PTPRD: variants seen among roughly 807,000 people sequenced by gnomAD.
PTPRD encodes receptor-type tyrosine-protein phosphatase delta.
A neutral mutation model predicts 214.5 loss-of-function variants in PTPRD; 34 were observed. The observed-to-expected ratio is 0.16, with a 90% confidence interval of 0.12 to 0.21. The LOEUF (loss-of-function observed/expected upper bound fraction) is 0.21. Ranked by LOEUF, PTPRD falls within the 10% of genes least tolerant of loss-of-function variation. The pLI is 1.00. For synonymous variants in PTPRD, 1,128 were observed against 845.7 expected (o/e 1.33, Z -5.79); for missense variants, 2,545 against 2,398.7 (o/e 1.06, Z -1.27).
At chr9:9,164,819 C>G (rs2099898604) in intron 10 of PTPRD, among the ~76,000 whole-genome samples, 1 of 151,622 alleles carries the variant, frequency 6.6e-6, no homozygotes. Context: ...TCGTGACCAG[C>G]CTGGCCAACA....
chr9:8,630,217 G>A (rs188675722), intron 14 of PTPRD, among the ~76,000 whole-genome samples: 3 of 151,854 alleles, frequency 2.0e-5, no homozygotes, highest in African/African-American at 4.8e-5. Context: ...GCCACTGGAC[G>A]AAAAGTGTAA....
At chr9:10,395,996 CGAGAGACAGAAG>C (rs1330138656) in intron 2 of PTPRD, among the ~76,000 whole-genome samples, 1 of 143,554 alleles carries the variant, frequency 7.0e-6, no homozygotes, top group Non-Finnish European at 1.5e-5. Context: ...AGAGACACAG[CGAGAGACAGAAG>C]GAGAAAGGGA....
intron 2 of PTPRD, among the ~76,000 whole-genome samples, chr9:10,421,593 T>C (rs10809091): frequency 0.21 from 31,463 of 151,756 alleles, 4,872 homozygotes; most frequent in East Asian, 0.66. Flanking sequence ...TGGTCCAGTT[T>C]AGGTTTTATA....
intron 9 of PTPRD, among the ~76,000 whole-genome samples, chr9:9,280,224 G>T (rs1947182557): frequency 6.6e-6 from 1 of 151,188 alleles, no homozygotes; most frequent in Non-Finnish European, 1.5e-5. Flanking sequence ...TCCATATTGT[G>T]AAGGCATGTA....
intron 9 of PTPRD, among the ~76,000 whole-genome samples, chr9:9,255,766 A>C (rs1169667919): frequency 6.6e-6 from 1 of 152,074 alleles, no homozygotes; most frequent in South Asian, 2.1e-4. Context: ...CACTATTGGC[A>C]TAAATAATTC....
intron 3 of PTPRD, among the ~76,000 whole-genome samples, chr9:10,293,328 GT>G (rs1165473815): frequency 6.6e-6 from 1 of 151,814 alleles, no homozygotes; most frequent in Non-Finnish European, 1.5e-5. Flanking sequence ...CTAATATGCA[GT>G]TTTTTCTCTG....
intron 2 of PTPRD, among the ~76,000 whole-genome samples, chr9:10,361,953 G>C (rs917890821): frequency 2.0e-5 from 3 of 152,122 alleles, no homozygotes; most frequent in African/African-American, 7.2e-5. Context: ...AGTTATCTCT[G>C]ATTATGCAAA....
chr9:9,456,540 T>G (rs576819269), intron 8 of PTPRD, among the ~76,000 whole-genome samples: 2 of 151,902 alleles, frequency 1.3e-5, no homozygotes, highest in South Asian at 4.1e-4. Flanking sequence ...AGAAAGAATA[T>G]AGAGTTAAAA....
chr9:9,001,256 G>A (rs2099417102), intron 11 of PTPRD, among the ~76,000 whole-genome samples: 1 of 152,032 alleles, frequency 6.6e-6, no homozygotes, highest in South Asian at 2.1e-4. Flanking sequence ...TTACACTTAA[G>A]ATCCCCTTGG....
intron 2 of PTPRD, among the ~76,000 whole-genome samples, chr9:10,356,502 A>G (rs1438593118): frequency 6.6e-6 from 1 of 152,164 alleles, no homozygotes; most frequent in Non-Finnish European, 1.5e-5. Context: ...TTGTTAAATA[A>G]AACTATATAG....
chr9:9,836,786 G>T (rs1455721026), intron 5 of PTPRD, among the ~76,000 whole-genome samples: 1 of 152,180 alleles, frequency 6.6e-6, no homozygotes, highest in Non-Finnish European at 1.5e-5. Flanking sequence ...TCTCAGGGTT[G>T]TTAAATGACT....
At chr9:10,043,014 T>G (rs291272) in intron 3 of PTPRD, among the ~76,000 whole-genome samples, 14,057 of 151,922 alleles carry the variant, frequency 0.093, 1,310 homozygotes, top group African/African-American at 0.23. Context: ...TAATCTGAGT[T>G]CTAACACAAA....
intron 8 of PTPRD, among the ~76,000 whole-genome samples, chr9:9,445,448 T>G (rs1402798998): frequency 2.0e-5 from 3 of 152,198 alleles, no homozygotes; most frequent in Non-Finnish European, 4.4e-5. Context: ...ATTCTCATGC[T>G]GCTATAAAGA....
chr9:9,376,511 A>C (rs1330983995), intron 9 of PTPRD, among the ~76,000 whole-genome samples: 1 of 152,162 alleles, frequency 6.6e-6, no homozygotes, highest in Non-Finnish European at 1.5e-5. Context: ...GCCCAAGCCC[A>C]TTAACTTCAC....
chr9:9,392,676 T>C (rs1030122707), intron 9 of PTPRD, among the ~76,000 whole-genome samples: 1 of 152,162 alleles, frequency 6.6e-6, no homozygotes, highest in Non-Finnish European at 1.5e-5. Context: ...TGAACCTTGC[T>C]TTTACGTAAC....
intron 7 of PTPRD, among the ~76,000 whole-genome samples, chr9:9,638,683 G>C (rs985790703): frequency 1.3e-5 from 2 of 152,082 alleles, no homozygotes; most frequent in Non-Finnish European, 2.9e-5. Flanking sequence ...ATATATTTAG[G>C]TATTTGTTAA....
At chr9:9,693,577 G>C (rs774525438) in intron 7 of PTPRD, among the ~76,000 whole-genome samples, 2 of 152,074 alleles carry the variant, frequency 1.3e-5, no homozygotes, top group Admixed American at 6.6e-5. Context: ...GTCTTATTTA[G>C]GTTAAGTATG....
At position 8,691,578 on chromosome 9, in the gene PTPRD, G is replaced by A. The variant is rs146309604; in HGVS notation, c.64+42202C>T. Among the ~76,000 whole-genome samples, 20 of 152,192 alleles carry A rather than the reference G, an allele frequency of 1.3e-4. No homozygotes were observed. In the South Asian group the frequency reaches 3.5e-3, roughly 27 times the overall value. On this transcript the variant is annotated intron_variant, in intron 12 of 45. Coordinates refer to ENST00000381196, the MANE Select transcript of PTPRD (RefSeq NM_002839.4). Reference sequence around the variant, plus strand: ...GTCTTTTGAAACCTTCATTACATAAGAATTCTATTGGATTTGAAGGTGATT... The same window carrying A: ...GTCTTTTGAAACCTTCATTACATAAAAATTCTATTGGATTTGAAGGTGATT...
chr9:8,912,025 G>T (rs748690388), intron 11 of PTPRD, among the ~76,000 whole-genome samples: 1 of 152,174 alleles, frequency 6.6e-6, no homozygotes, highest in African/African-American at 2.4e-5. Flanking sequence ...TAAGGATGTG[G>T]AGAGAGTGGA....
Sources: gnomAD v4.1 joint callset for allele counts (sites outside exome capture counted in the v4.1 genomes callset) on GRCh38, gnomAD v4.1.1 for gene constraint, MANE v1.5 for transcripts, NCBI Gene and HGNC (gene_info 2026-07-23, HGNC 2026-07-21) for gene names.